Variants in OXCT1 observed in about 807,000 individuals in gnomAD.
OXCT1 encodes 3-oxoacid CoA-transferase 1, also known as succinyl-CoA:3-ketoacid coenzyme A transferase 1, mitochondrial.
In OXCT1, 27 loss-of-function variants were observed where a neutral mutation model predicts 69.6. That is an observed-to-expected ratio of 0.39 (90% CI 0.29 to 0.54). OXCT1 has a LOEUF of 0.54. OXCT1 is among the 20% of genes least tolerant of loss of function. The pLI, the probability that OXCT1 is intolerant of heterozygous loss-of-function variation, is 0.72. For missense variants in OXCT1, 437 were observed against 650.2 expected, an observed-to-expected ratio of 0.67 and a Z score of 3.57; for synonymous variants, 202 against 217.8, an observed-to-expected ratio of 0.93 and a Z score of 0.64.
intron 5 of OXCT1, among the ~76,000 whole-genome samples, chr5:41,846,570 T>G (rs985408993): frequency 3.3e-5 from 5 of 151,764 alleles, no homozygotes; most frequent in African/African-American, 1.2e-4. Flanking sequence ...TTTGCTATTG[T>G]GAATAATGCT....
rs550143467 is a variant in OXCT1 at position 41,767,248 on chromosome 5, A to C, written c.1249-5048T>G. On this transcript the variant is annotated intron_variant, in intron 13 of 16. Coordinates refer to ENST00000196371, the MANE Select transcript of OXCT1 (RefSeq NM_000436.4). ...CTTTTCTGTGTTACACTTTCTTTTA[A>C]AAAACCAAAAAAAGTTATTTTCAAA... Among the ~76,000 whole-genome samples, 8 of 152,278 alleles carry C rather than the reference A, an allele frequency of 5.3e-5. No homozygotes were observed. In the East Asian group the frequency reaches 1.3e-3, roughly 26 times the overall value.
intron 3 of OXCT1, among the ~76,000 whole-genome samples, chr5:41,856,116 A>C (rs1029875566): frequency 5.9e-5 from 9 of 152,318 alleles, no homozygotes; most frequent in African/African-American, 2.2e-4. Flanking sequence ...TTTAAGCGGA[A>C]ATATAACAGT....
chr5:41,787,215 T>C (rs1745680455), intron 13 of OXCT1, among the ~76,000 whole-genome samples: 1 of 152,120 alleles, frequency 6.6e-6, no homozygotes, highest in African/African-American at 2.4e-5. Flanking sequence ...AAGAAAACCA[T>C]CAGTAAATAC....
At chr5:41,771,023 T>G (rs564479467) in intron 13 of OXCT1, among the ~76,000 whole-genome samples, 1 of 152,196 alleles carries the variant, frequency 6.6e-6, no homozygotes, top group Non-Finnish European at 1.5e-5. Context: ...TTTATTACCA[T>G]GATCAGAGTC....
chr5:41,852,291 A>G (rs1749212154), intron 4 of OXCT1, among the ~76,000 whole-genome samples: 1 of 152,222 alleles, frequency 6.6e-6, no homozygotes. Flanking sequence ...ACGGTGCTAT[A>G]GAGTGACCAG....
intron 7 of OXCT1, among the ~76,000 whole-genome samples, chr5:41,832,078 C>G (rs1579832379): frequency 6.6e-6 from 1 of 152,168 alleles, no homozygotes; most frequent in Non-Finnish European, 1.5e-5. Context: ...TCACAAGAAC[C>G]AAAAATCAGA....
chr5:41,809,471 T>G (rs933585346), intron 7 of OXCT1, among the ~76,000 whole-genome samples: 1 of 152,026 alleles, frequency 6.6e-6, no homozygotes, highest in African/African-American at 2.4e-5. Flanking sequence ...CATTATGAAC[T>G]AAACTAAGCA....
intron 11 of OXCT1, 120 bp from the exon 12 acceptor site, chr5:41,794,869 C>A (rs1746101161): frequency 9.7e-7 from 1 of 1,028,040 alleles, no homozygotes; most frequent in Non-Finnish European, 1.5e-6. Flanking sequence ...TACCAAAATG[C>A]AGTGACATAG....
chr5:41,801,109 T>G (rs760985817), intron 10 of OXCT1, 39 bp from the exon 11 acceptor site: 2 of 1,442,884 alleles, frequency 1.4e-6, no homozygotes, highest in Admixed American at 3.3e-5. Context: ...TAAATGAAGA[T>G]TCTCACTGAA....
At chr5:41,785,455 T>C (rs1745597052) in intron 13 of OXCT1, among the ~76,000 whole-genome samples, 1 of 152,232 alleles carries the variant, frequency 6.6e-6, no homozygotes, top group Non-Finnish European at 1.5e-5. Flanking sequence ...TTTTTCCTCA[T>C]TTTTAAAGAT....
chr5:41,753,201 CTG>C (rs1031334546), intron 14 of OXCT1, among the ~76,000 whole-genome samples: 6 of 152,114 alleles, frequency 3.9e-5, no homozygotes, highest in African/African-American at 1.4e-4. Context: ...ATCTTTAAGA[CTG>C]TGCTTTATAC....
At chr5:41,737,550 G>A (rs1235862450) in intron 16 of OXCT1, among the ~76,000 whole-genome samples, 2 of 152,156 alleles carry the variant, frequency 1.3e-5, no homozygotes, top group Non-Finnish European at 2.9e-5. Flanking sequence ...TCTCACTGGA[G>A]TGAGAAATCC....
chr5:41,850,283 A>G (rs1296864204), intron 4 of OXCT1, 104 bp from the exon 5 acceptor site: 3 of 1,281,950 alleles, frequency 2.3e-6, no homozygotes, highest in Non-Finnish European at 3.3e-6. Flanking sequence ...TTATAATTCT[A>G]AAAAGTAGCT....
chr5:41,750,135 G>GTTTTTTTTTTTTTTTTTTTTTTTTTTTGT (rs11291155), intron 14 of OXCT1, among the ~76,000 whole-genome samples: 1 of 73,922 alleles, frequency 1.4e-5, no homozygotes, highest in Non-Finnish European at 2.5e-5. Flanking sequence ...GTGTTTTTTG[G>GTTTTTTTTTTTTTTTTTTTTTTTTTTTGT]TTTTTTTTTT....
At chr5:41,745,410 A>T (rs1453615343) in intron 15 of OXCT1, among the ~76,000 whole-genome samples, 1 of 152,196 alleles carries the variant, frequency 6.6e-6, no homozygotes, top group Non-Finnish European at 1.5e-5. Context: ...CAGTGTGTAG[A>T]GGGAAATTTA....
At chr5:41,772,177 T>G (rs946891732) in intron 13 of OXCT1, among the ~76,000 whole-genome samples, 1 of 152,162 alleles carries the variant, frequency 6.6e-6, no homozygotes, top group Non-Finnish European at 1.5e-5. Context: ...AGAAAGTTTA[T>G]TTTCTGATTC....
chr5:41,843,701 C>A, intron 5 of OXCT1: 1 of 359,348 alleles, frequency 2.8e-6, no homozygotes, highest in Admixed American at 3.2e-5. Flanking sequence ...CTACCGCACC[C>A]CCTAGTGGAA....
intron 3 of OXCT1, among the ~76,000 whole-genome samples, chr5:41,859,864 AATATAT>A (rs3050894): frequency 2.5e-5 from 3 of 120,116 alleles, no homozygotes; most frequent in South Asian, 5.8e-4. Flanking sequence ...CTAGTATAGT[AATATAT>A]ATATATATAT....
At chr5:41,856,500 G>A (rs1749435849) in intron 3 of OXCT1, among the ~76,000 whole-genome samples, 1 of 151,978 alleles carries the variant, frequency 6.6e-6, no homozygotes, top group African/African-American at 2.4e-5. Context: ...TCCTCACACC[G>A]ACAAGTGACC....
Sources: gnomAD v4.1 joint callset for allele counts (sites outside exome capture counted in the v4.1 genomes callset) on GRCh38, gnomAD v4.1.1 for gene constraint, MANE v1.5 for transcripts, NCBI Gene and HGNC (gene_info 2026-07-23, HGNC 2026-07-21) for gene names.